The following TMEM164 variants were observed in gnomAD, a reference collection of about 807,000 sequenced individuals.
TMEM164 encodes transmembrane protein 164, also known as RP13-360B22.2.
TMEM164 carries 4 observed loss-of-function variants against 18.8 expected under a neutral mutation model. That is an observed-to-expected ratio of 0.21 (90% CI 0.10 to 0.49). The LOEUF is 0.49. Among genes scored for constraint, TMEM164 ranks in the 20% least tolerant of loss-of-function variants. TMEM164 has a pLI of 0.98. For synonymous variants in TMEM164, 86 were observed against 101.7 expected (o/e 0.85, Z 0.93); for missense variants, 108 against 239.9 (o/e 0.45, Z 3.63).
intron 2 of TMEM164, among the ~76,000 whole-genome samples, chrX:110,067,068 T>C (rs761058255): frequency 7.0e-4 from 77 of 110,140 alleles, no homozygotes; most frequent in Non-Finnish European, 1.3e-3. Context: ...TGGGTTAAAT[T>C]TAAGACTGAC....
intron 3 of TMEM164, among the ~76,000 whole-genome samples, chrX:110,076,047 G>C (rs1159174702): frequency 2.0e-5 from 2 of 101,280 alleles, no homozygotes; most frequent in African/African-American, 7.3e-5. Context: ...ATTGGTGCCA[G>C]CTCTTTCTTT....
chrX:110,002,445 G>A (rs1228112309), upstream of TMEM164, among the ~76,000 whole-genome samples: 3 of 110,198 alleles, frequency 2.7e-5, no homozygotes, highest in Non-Finnish European at 3.8e-5. Flanking sequence ...AGCCGCGGAG[G>A]GTGGGAGGTG....
At chrX:110,011,768 C>G (rs182836193) in intron 2 of TMEM164, among the ~76,000 whole-genome samples, 6 of 112,033 alleles carry the variant, frequency 5.4e-5, no homozygotes, top group African/African-American at 1.9e-4. Flanking sequence ...ATAAGAAACT[C>G]CCAGATGATT....
intron 3 of TMEM164, among the ~76,000 whole-genome samples, chrX:110,098,629 A>G (rs1441142006): frequency 9.0e-6 from 1 of 111,054 alleles, no homozygotes; most frequent in African/African-American, 3.3e-5. Context: ...TGTTGTTGTT[A>G]TTATAGCAAT....
chrX:110,110,845 G>A (rs187575140), intron 4 of TMEM164, among the ~76,000 whole-genome samples: 3 of 112,658 alleles, frequency 2.7e-5, no homozygotes, highest in African/African-American at 9.7e-5. Context: ...CCTAGGATCA[G>A]CATCACATGG....
At position 110,009,279 on chromosome X, in the gene TMEM164, A is replaced by G. The variant is rs143833490; in HGVS notation, c.390+5115A>G. Among the ~76,000 whole-genome samples the G allele has an allele frequency of 3.3e-4, 37 of 110,512 alleles. 1 individual carries two copies. The East Asian group carries it at 0.01, about 31-fold the overall frequency. ...TTTAGTTTCCTCCCCCTCTGTAAAT[A>G]CTCCCCTGAAGATTCTCCTCTACGA... On this transcript the variant is annotated intron_variant, in intron 2 of 6. Coordinates refer to ENST00000372068, the MANE Select transcript of TMEM164 (RefSeq NM_032227.4).
In TMEM164 at chrX:110,173,457, CT is replaced by C; in HGVS notation, c.*8del. Reference sequence around the variant, plus strand: ...CAGCCAAGAAAATAGACTGAAGGTGCTTATTTTTTTTTTTTTTCCTCCCTGA... The same window carrying C: ...CAGCCAAGAAAATAGACTGAAGGTGCTATTTTTTTTTTTTTTCCTCCCTGA... On this transcript the variant is annotated 3_prime_UTR_variant, in exon 7 of 7. Transcript: ENST00000372068. 1 of 1,180,685 alleles carries C rather than the reference CT, an allele frequency of 8.5e-7. No homozygotes were observed. Among genetic ancestry groups the C allele is most frequent in the Non-Finnish European group, 1.1e-6 (1 of 883,888 alleles).
At chrX:110,016,456 G>C (rs1451251602) in intron 2 of TMEM164, among the ~76,000 whole-genome samples, 1 of 111,277 alleles carries the variant, frequency 9.0e-6, no homozygotes, top group Non-Finnish European at 1.9e-5. Flanking sequence ...GGCCGGATGG[G>C]CAAAAAAGAG....
At chrX:110,076,074 A>G (rs2065667997) in intron 3 of TMEM164, among the ~76,000 whole-genome samples, 1 of 103,854 alleles carries the variant, frequency 9.6e-6, no homozygotes, top group South Asian at 4.4e-4. Context: ...CATCTGATAG[A>G]ATTTAGCTCT....
intron 5 of TMEM164, among the ~76,000 whole-genome samples, chrX:110,150,834 A>G (rs1271156615): frequency 9.0e-6 from 1 of 111,624 alleles, no homozygotes; most frequent in African/African-American, 3.3e-5. Flanking sequence ...TAGTGGCATA[A>G]TATTACATTG....
At chrX:110,015,447 A>G (rs1933297144) in intron 2 of TMEM164, among the ~76,000 whole-genome samples, 1 of 112,025 alleles carries the variant, frequency 8.9e-6, no homozygotes, top group Admixed American at 9.4e-5. Context: ...ACACATTCTA[A>G]GACCTAGGGA....
chrX:110,010,374 T>A (rs968078781), intron 2 of TMEM164, among the ~76,000 whole-genome samples: 1 of 113,195 alleles, frequency 8.8e-6, no homozygotes, highest in South Asian at 3.6e-4. Context: ...TTTGTTAAAT[T>A]GAGAATGTCT....
downstream of TMEM164, among the ~76,000 whole-genome samples, chrX:110,180,982 T>C (rs191841839): frequency 2.3e-4 from 26 of 111,635 alleles, no homozygotes; most frequent in East Asian, 7.3e-3. Flanking sequence ...TAGTATTCTG[T>C]CCCCTGAGAA....
chrX:110,181,579 T>G (rs1328733401), downstream of TMEM164, among the ~76,000 whole-genome samples: 2 of 113,288 alleles, frequency 1.8e-5, no homozygotes, highest in Non-Finnish European at 3.7e-5. Flanking sequence ...GTCTCTATCC[T>G]TTCCCTAAAT....
intron 2 of TMEM164, among the ~76,000 whole-genome samples, chrX:110,031,576 A>T (rs779872346): frequency 9.0e-6 from 1 of 111,055 alleles, no homozygotes; most frequent in Non-Finnish European, 1.9e-5. Flanking sequence ...TCCTGCCTCA[A>T]CCTCCCAAAG....
intron 2 of TMEM164, among the ~76,000 whole-genome samples, chrX:110,064,567 A>G (rs754489217): frequency 3.6e-4 from 40 of 111,867 alleles, no homozygotes; most frequent in African/African-American, 1.2e-3. Context: ...CTGGAAATGC[A>G]ATATGAATAA....
At chrX:110,030,564 A>G (rs1488885161) in intron 2 of TMEM164, among the ~76,000 whole-genome samples, 1 of 108,525 alleles carries the variant, frequency 9.2e-6, no homozygotes, top group Non-Finnish European at 1.9e-5. Flanking sequence ...CACACCTGTA[A>G]TCCCAGCACT....
intron 4 of TMEM164, among the ~76,000 whole-genome samples, chrX:110,135,889 C>T (rs943122115): frequency 2.7e-5 from 3 of 111,892 alleles, no homozygotes; most frequent in Admixed American, 9.5e-5. Context: ...AGACTAAGGA[C>T]ATTCTCTCGT....
chrX:110,084,365 T>TATATATA lies in TMEM164; in HGVS notation c.440+16970_440+16971insTATATAA, dbSNP rs1446798852. Among the ~76,000 whole-genome samples the TATATATA allele has an allele frequency of 4.9e-3, 333 of 68,293 alleles. 48 individuals carry two copies. The highest frequency in any genetic ancestry group is 0.017 in the African/African-American group (259 of 15,438). 59.3% of individuals were successfully genotyped at this position (68,293 alleles called of 115,157 possible). On this transcript the variant is annotated intron_variant, in intron 3 of 6. Coordinates refer to ENST00000372068, the MANE Select transcript of TMEM164 (RefSeq NM_032227.4). ...CTAAAAATACTATATATATATAGTA[T>TATATATA]AGTATATATATAGTGTATATATATA...
Sources: allele counts gnomAD v4.1 joint callset (sites outside exome capture counted in the v4.1 genomes callset), GRCh38; gene constraint gnomAD v4.1.1; transcripts MANE v1.5; gene names NCBI Gene and HGNC (gene_info 2026-07-23, HGNC 2026-07-21).